Variants in MBTPS1 observed in about 807,000 individuals in gnomAD.
MBTPS1 encodes the protein membrane bound transcription factor peptidase, site 1, also known as membrane-bound transcription factor site-1 protease.
In MBTPS1, 94 loss-of-function variants were observed where a neutral mutation model predicts 127.8. The ratio of observed to expected loss-of-function variants is 0.74; its 90% CI spans 0.62 to 0.87. The LOEUF is 0.87. MBTPS1 is among the 40% of genes least tolerant of loss of function. The pLI, the probability that MBTPS1 is intolerant of heterozygous loss-of-function variation, is 0.00. For missense variants in MBTPS1, 1,636 were observed against 1,353.2 expected (o/e 1.21, Z -3.28); for synonymous variants, 632 against 509.4 (o/e 1.24, Z -3.24).
rs200087251 is a variant in MBTPS1 at position 84,087,387 on chromosome 16, G to A, written c.1105C>T (p.Arg369Cys). ...GTAGTCATTCCCCTTGAAGAAAAGC[G>A]GGCGATGTTATCTTCAAAGTCAATG... ...GGIDFEDNIA[R>C]FSSRGMTTWE... is the part of the protein sequence containing the mutation. The change falls in exon 9 of 23, where the codon CGC becomes TGC. Residue 369 changes from arginine to cysteine, a missense_variant. Coordinates refer to ENST00000343411, the MANE Select transcript of MBTPS1 (RefSeq NM_003791.4). 20 of 1,613,204 alleles carry A rather than the reference G, an allele frequency of 1.2e-5. No homozygotes were observed. The highest frequency in any genetic ancestry group is 6.7e-5 in the East Asian group (3 of 44,878).
chr16:84,086,654 C>T (rs2086032172), intron 9 of MBTPS1: 1 of 152,258 alleles, frequency 6.6e-6, no homozygotes, highest in Non-Finnish European at 1.5e-5. Context: ...TTTCCAGGGA[C>T]TTATCTGAGG....
At position 84,074,592 on chromosome 16, in the gene MBTPS1, T is replaced by C; in HGVS notation, c.1593+5A>G. 1 of 1,613,186 alleles carries C rather than the reference T, an allele frequency of 6.2e-7. No homozygotes were observed. Among genetic ancestry groups the C allele is most frequent in the Non-Finnish European group, 8.5e-7 (1 of 1,179,444 alleles). ...GTCAGAGACCAAGTCAGAGAGAAGT[T>C]TCACCTTATCTACAATTCTTCCTGT... On this transcript the variant is annotated splice_donor_5th_base_variant and intron_variant, in intron 12 of 22. Transcript: ENST00000343411.
chr16:84,115,307 T>C (rs910085689), intron 1 of MBTPS1, among the ~76,000 whole-genome samples: 1 of 152,212 alleles, frequency 6.6e-6, no homozygotes, highest in Non-Finnish European at 1.5e-5. Context: ...CCGCAAGCTC[T>C]GCATTGGAAT....
intron 22 of MBTPS1, among the ~76,000 whole-genome samples, chr16:84,055,581 G>T (rs2085510277): frequency 6.6e-6 from 1 of 152,198 alleles, no homozygotes; most frequent in Admixed American, 6.5e-5. Context: ...GGGCAGGGCA[G>T]AGAACTGAAG....
chr16:84,084,780 T>C (rs1485186677), intron 10 of MBTPS1, among the ~76,000 whole-genome samples: 1 of 152,236 alleles, frequency 6.6e-6, no homozygotes, highest in African/African-American at 2.4e-5. Flanking sequence ...ATAAAGTGTG[T>C]TCACATTCAC....
rs570921297 is a variant in MBTPS1, at chr16:84,102,074, A to C, written c.-291T>G. 5.8e-5 allele frequency: 17 copies of C among 291,766 alleles called. No homozygotes were observed. Among genetic ancestry groups the C allele is most frequent in the African/African-American group, 3.5e-4 (16 of 46,332 alleles). The allele number at this position is 291,766 out of a possible 1,614,324, so 18.1% of individuals were successfully genotyped here. On this transcript the variant is annotated 5_prime_UTR_variant, in exon 2 of 23. The change creates a new upstream start codon in the 5' untranslated region. Transcript: ENST00000343411. ...CATTTGTACCACAGAACCAACGTCC[A>C]ATGGGGTTGATCAATCAACCACTGT...
chr16:84,092,956 A>G (rs1597339173), intron 6 of MBTPS1, among the ~76,000 whole-genome samples: 3 of 152,350 alleles, frequency 2.0e-5, no homozygotes, highest in Non-Finnish European at 2.9e-5. Context: ...CGTAAGTAGT[A>G]GCCTCGGCAG....
intron 22 of MBTPS1, 64 bp downstream of exon 22, chr16:84,055,941 G>C (rs962517775): frequency 2.3e-4 from 355 of 1,560,644 alleles, no homozygotes; most frequent in Non-Finnish European, 2.9e-4. Context: ...TGGGGAGGGA[G>C]GGAGACTCCT....
At chr16:84,084,589 C>T (rs1015348291) in intron 10 of MBTPS1, among the ~76,000 whole-genome samples, 24 of 152,144 alleles carry the variant, frequency 1.6e-4, no homozygotes, top group African/African-American at 5.8e-4. Context: ...TAAAGTGAAT[C>T]CCCAAGGAAA....
At chr16:84,108,056 G>T (rs913167238) in intron 1 of MBTPS1, among the ~76,000 whole-genome samples, 1 of 151,814 alleles carries the variant, frequency 6.6e-6, no homozygotes, top group Admixed American at 6.6e-5. Flanking sequence ...AGTCAGTGAG[G>T]CTTTGCAAGC....
chr16:84,108,624 G>T (rs987226777), intron 1 of MBTPS1, among the ~76,000 whole-genome samples: 1 of 152,172 alleles, frequency 6.6e-6, no homozygotes, highest in Non-Finnish European at 1.5e-5. Flanking sequence ...CCTTCCTGAA[G>T]AATTCTGCTG....
chr16:84,085,203 A>C, intron 9 of MBTPS1, 69 bp from the exon 10 acceptor site: 2 of 1,472,674 alleles, frequency 1.4e-6, no homozygotes, highest in Admixed American at 3.5e-5. Flanking sequence ...ATCATGAGTG[A>C]ATCAAATCAG....
At chr16:84,084,727 A>C (rs2085994099) in intron 10 of MBTPS1, among the ~76,000 whole-genome samples, 1 of 152,250 alleles carries the variant, frequency 6.6e-6, no homozygotes, top group Admixed American at 6.5e-5. Context: ...AAACATAAAG[A>C]AACAGGTTAT....
At chr16:84,083,569 G>A (rs1281131092) in intron 10 of MBTPS1, among the ~76,000 whole-genome samples, 1 of 152,052 alleles carries the variant, frequency 6.6e-6, no homozygotes, top group African/African-American at 2.4e-5. Flanking sequence ...GGGATTACAG[G>A]TGTGAGCTAC....
At chr16:84,096,820 G>A (rs2086185190) in intron 3 of MBTPS1, among the ~76,000 whole-genome samples, 1 of 152,156 alleles carries the variant, frequency 6.6e-6, no homozygotes, top group African/African-American at 2.4e-5. Flanking sequence ...CAACAGCATG[G>A]GACAATGCTG....
rs779808157 is a variant in MBTPS1 at position 84,060,738 on chromosome 16, C to G, written c.2648G>C (p.Gly883Ala). 1 of 1,613,168 alleles carries G rather than the reference C, an allele frequency of 6.2e-7. No individual in the cohort carries two copies. The highest frequency in any genetic ancestry group is 8.5e-7 in the Non-Finnish European group (1 of 1,179,666). Residue 883 changes from glycine (G) to alanine (A), a missense_variant, in exon 20 of 23, where the codon GGG (glycine) becomes GCG (alanine). Transcript: ENST00000343411. ...TCCACTGGGAGGGCGCTGGCGGTTC[C>G]CAGAGTGACTGAGGCTAGGCGGTGT... ...GVTPPSLSHS[G>A]NRQRPPSGAG...
At chr16:84,116,207 TACTG>T (rs2086474709) in intron 1 of MBTPS1, among the ~76,000 whole-genome samples, 1 of 152,142 alleles carries the variant, frequency 6.6e-6, no homozygotes, top group Non-Finnish European at 1.5e-5. Context: ...TTAATAAAAA[TACTG>T]ACGATCCACA....
At position 84,099,102 on chromosome 16, in the gene MBTPS1, T is replaced by G; in HGVS notation, c.372A>C (p.Lys124Asn). 1.9e-6 allele frequency: 3 copies of G among 1,614,182 alleles called. No individual in the cohort carries two copies. Among genetic ancestry groups the G allele is most frequent in the Non-Finnish European group, 2.5e-6 (3 of 1,180,032 alleles). The change falls in exon 3 of 23, where the codon AAA becomes AAC. Residue 124 changes from lysine to asparagine, a missense_variant. Physicochemically the swap from Lys to Asn is moderately conservative, Grantham distance 94 (BLOSUM62 0). Coordinates refer to ENST00000343411, the MANE Select transcript of MBTPS1 (RefSeq NM_003791.4). ...AGACTTTTCGTTGGGGCGTGACCCG[T>G]TTGATGTTTGGATGATCTTCAAGTG... Reference protein sequence around the residue: ...LLTLEDHPNIKRVTPQRKVFR... With the variant: ...LLTLEDHPNINRVTPQRKVFR...
intron 1 of MBTPS1, among the ~76,000 whole-genome samples, chr16:84,115,086 G>C (rs2086453934): frequency 1.3e-5 from 2 of 151,928 alleles, no homozygotes; most frequent in Admixed American, 1.3e-4. Context: ...CTGCCATTGC[G>C]CCCAGCTAAT....
Sources: gnomAD v4.1 joint callset for allele counts (sites outside exome capture counted in the v4.1 genomes callset) on GRCh38, gnomAD v4.1.1 for gene constraint, MANE v1.5 for transcripts, NCBI Gene and HGNC (gene_info 2026-07-23, HGNC 2026-07-21) for gene names.